Variants in EIF3A observed in about 807,000 individuals in gnomAD.
The protein encoded by EIF3A is eukaryotic translation initiation factor 3 subunit A.
A neutral mutation model predicts 186.6 loss-of-function variants in EIF3A; 21 were observed. The ratio of observed to expected loss-of-function variants is 0.11; its 90% CI spans 0.08 to 0.16. EIF3A has a LOEUF of 0.16. Ranked by LOEUF, EIF3A falls within the 10% of genes least tolerant of loss-of-function variation. EIF3A has a pLI of 1.00. For synonymous variants in EIF3A, 563 were observed against 584.3 expected (o/e 0.96, Z 0.52); for missense variants, 1,306 against 1,796.3 (o/e 0.73, Z 4.93).
chr10:119,041,926 T>C, intron 19 of EIF3A, 68 bp downstream of exon 19: 1 of 1,479,914 alleles, frequency 6.8e-7, no homozygotes, highest in African/African-American at 1.4e-5. Context: ...ACAGCCCTGA[T>C]ATTTATCCAT....
chr10:119,043,923 C>G, intron 18 of EIF3A, 131 bp downstream of exon 18: 1 of 704,116 alleles, frequency 1.4e-6, no homozygotes, highest in Admixed American at 2.5e-5. Flanking sequence ...CAAACCCACA[C>G]GCAATCAGAC....
rs532113786 is a variant in EIF3A, at chr10:119,080,276, G to C, written c.49+352C>G. ...CGGCCGGGGACGCGGGCCCTAAGCA[G>C]ACCAAAGCCCCAGGGACCTGGAGAG... is the stretch of plus-strand genomic sequence containing the variant. On this transcript the variant is annotated intron_variant, in intron 1 of 21. Transcript: ENST00000369144. 119 of 981,746 alleles carry C rather than the reference G, an allele frequency of 1.2e-4. No homozygotes were observed. The South Asian group carries it at 4.9e-3, about 40-fold the overall frequency. The allele number at this position is 981,746 out of a possible 1,614,324, so 60.8% of individuals were successfully genotyped here.
chr10:119,075,653 T>TAC (rs1442363016), intron 1 of EIF3A, among the ~76,000 whole-genome samples: 2 of 139,958 alleles, frequency 1.4e-5, no homozygotes, highest in Non-Finnish European at 1.5e-5. Context: ...TATATATACA[T>TAC]ATATATATAT....
At chr10:119,072,080 C>G (rs1844084049) in intron 4 of EIF3A, among the ~76,000 whole-genome samples, 1 of 140,080 alleles carries the variant, frequency 7.1e-6, no homozygotes, top group Non-Finnish European at 1.5e-5. Context: ...AAAATTCAGG[C>G]TGGGCAGAGC....
intron 1 of EIF3A, among the ~76,000 whole-genome samples, chr10:119,076,937 C>CAAA (rs71016536): frequency 0.015 from 1,850 of 122,984 alleles, 47 homozygotes; most frequent in East Asian, 0.028. Flanking sequence ...GACTCTGTCT[C>CAAA]AAAAAAAAAA....
chr10:119,071,283 T>C (rs754094311), intron 4 of EIF3A, among the ~76,000 whole-genome samples, 198 bp from the exon 5 acceptor site: 1 of 152,164 alleles, frequency 6.6e-6, no homozygotes, highest in Non-Finnish European at 1.5e-5. Flanking sequence ...ACCAAAGACA[T>C]AATCACTGGT....
intron 14 of EIF3A, among the ~76,000 whole-genome samples, chr10:119,055,771 A>G (rs1843767594): frequency 6.6e-6 from 1 of 152,178 alleles, no homozygotes; most frequent in African/African-American, 2.4e-5. Context: ...ACATGGTAAC[A>G]ACAAACACCA....
intron 14 of EIF3A, among the ~76,000 whole-genome samples, chr10:119,052,368 T>TGTGTGTGTGTGTG (rs1848367766): frequency 6.5e-5 from 8 of 122,970 alleles, no homozygotes; most frequent in East Asian, 2.4e-4. Flanking sequence ...TTTTTTGGTT[T>TGTGTGTGTGTGTG]TGTGTGTGTG....
At chr10:119,038,188 A>G (rs1848161956) in intron 20 of EIF3A, 50 bp downstream of exon 20, 3 of 1,512,706 alleles carry the variant, frequency 2.0e-6, no homozygotes, top group Non-Finnish European at 2.7e-6. Flanking sequence ...GATTACAGGC[A>G]TGAGCCACTG....
rs765309926 is a variant in EIF3A, at chr10:119,059,611, G to A, written c.1434C>T (p.Cys478=). Reference sequence around the variant, plus strand: ...TACAGCACATACCTACCTGCAAGTCGCAATGCCTGGCTGCATCTACTATGG... The same window carrying A: ...TACAGCACATACCTACCTGCAAGTCACAATGCCTGGCTGCATCTACTATGG... ...ERAIVDAARH[C]DLQVRIDHTS... The change falls in exon 10 of 22, where the codon TGC becomes TGT. Residue 478 remains cysteine (C), a synonymous_variant. Coordinates refer to ENST00000369144, the MANE Select transcript of EIF3A (RefSeq NM_003750.4). The A allele has an allele frequency of 1.1e-5, 18 of 1,612,766 alleles. No individual in the cohort carries two copies. The highest frequency in any genetic ancestry group is 6.7e-5 in the East Asian group (3 of 44,896).
chr10:119,052,557 G>A (rs1347025510), intron 14 of EIF3A, among the ~76,000 whole-genome samples: 1 of 151,838 alleles, frequency 6.6e-6, no homozygotes, highest in Non-Finnish European at 1.5e-5. Context: ...CTGTTTTTTT[G>A]TAGAGACAGG....
intron 5 of EIF3A, among the ~76,000 whole-genome samples, chr10:119,070,568 T>C (rs566170862): frequency 6.6e-6 from 1 of 152,232 alleles, no homozygotes; most frequent in African/African-American, 2.4e-5. Flanking sequence ...ACTTATTTCA[T>C]CACAGACCAG....
In EIF3A at chr10:119,057,972, T is replaced by C; in HGVS notation, c.1961A>G (p.Lys654Arg). The change falls in exon 12 of 22, where the codon AAA becomes AGA. Residue 654 changes from lysine (K) to arginine (R), a missense_variant. Transcript: ENST00000369144. ...GCTACGTACTTCAATATCAATATCT[T>C]TGAATGCTTTGGCACCCAGTTCTGT... The part of the protein sequence containing the change: ...KKTELGAKAF[K>R]DIDIEDLEEL... 5 of 1,612,030 alleles carry C rather than the reference T, an allele frequency of 3.1e-6. No homozygotes were observed. Among genetic ancestry groups the C allele is most frequent in the Middle Eastern group, 1.7e-4 (1 of 6,058 alleles).
intron 8 of EIF3A, 85 bp downstream of exon 8, chr10:119,061,137 TTC>T (rs2119819582): frequency 1.5e-6 from 1 of 688,052 alleles, no homozygotes; most frequent in Admixed American, 3.0e-5. Flanking sequence ...AGGACAAAAC[TTC>T]TCTCTTAACA....
intron 19 of EIF3A, 45 bp from the exon 20 acceptor site, chr10:119,038,484 G>A (rs1455446936): frequency 2.0e-6 from 3 of 1,495,854 alleles, no homozygotes; most frequent in African/African-American, 2.8e-5. Flanking sequence ...ATTTTTAAAA[G>A]AAGAAACAGA....
Position 119,058,095 on chromosome 10 carries a change from C to T in EIF3A, c.1838G>A (p.Arg613His), listed in dbSNP as rs781663151. The T allele has an allele frequency of 2.5e-6, 4 of 1,614,164 alleles. No homozygotes were observed. The highest frequency in any genetic ancestry group is 2.2e-5 in the East Asian group (1 of 44,890). ...CTTCTCTCTCTCCTTTGCTTCCTGG[C>T]GCAGCCTCTCTTCCTCAGCCTTCCG... is the stretch of plus-strand genomic sequence containing the variant. Reference protein sequence around the residue: ...KVRKAEEERLRQEAKEREKER... With the variant: ...KVRKAEEERLHQEAKEREKER... The change falls in exon 12 of 22, where the codon CGC (arginine) becomes CAC (histidine). Residue 613 changes from arginine to histidine, a missense_variant. Physicochemically the swap from Arg to His is conservative, Grantham distance 29. Around this residue, in one of 8 missense-constraint regions of EIF3A, gnomAD observed 94 missense variants for 204.9 expected, o/e 0.46. Transcript: ENST00000369144.
In EIF3A at chr10:119,076,828, C is replaced by T. The variant is rs775458158; in HGVS notation, c.50-2891G>A. Among the ~76,000 whole-genome samples, 3 of 149,638 alleles carry T rather than the reference C, an allele frequency of 2.0e-5. No individual in the cohort carries two copies. In the East Asian group the frequency reaches 6.0e-4, roughly 30 times the overall value. On this transcript the variant is annotated intron_variant, in intron 1 of 21. Coordinates refer to ENST00000369144, the MANE Select transcript of EIF3A (RefSeq NM_003750.4). ...GTGCATGCCTGTAATCCCAAATACT[C>T]GGGAGGCTGAGACTTTAGAATCACT...
intron 6 of EIF3A, among the ~76,000 whole-genome samples, chr10:119,067,131 G>A (rs1453183169): frequency 2.6e-5 from 4 of 151,950 alleles, no homozygotes; most frequent in South Asian, 2.1e-4. Flanking sequence ...CAGGAGAAGC[G>A]CTCGAACCCG....
chr10:119,049,073 A>T (rs1348862717), intron 17 of EIF3A, among the ~76,000 whole-genome samples: 1 of 152,208 alleles, frequency 6.6e-6, no homozygotes, highest in Non-Finnish European at 1.5e-5. Context: ...AAGTATGCTT[A>T]AGCCTGTAAA....
Sources: gnomAD v4.1 joint callset for allele counts (sites outside exome capture counted in the v4.1 genomes callset) on GRCh38, gnomAD v4.1.1 for gene constraint, gnomAD v4.1.1 regional missense constraint, MANE v1.5 for transcripts, NCBI Gene and HGNC (gene_info 2026-07-23, HGNC 2026-07-21) for gene names.